The following PPIAL4H variants were observed in gnomAD, a reference collection of about 807,000 sequenced individuals.
PPIAL4H encodes the protein peptidylprolyl isomerase A like 4H, also known as peptidyl-prolyl cis-trans isomerase A-like 4H.
Under a neutral mutation model 7.5 loss-of-function variants are expected in PPIAL4H, and 6 were observed. The ratio of observed to expected loss-of-function variants is 0.80; its 90% CI spans 0.44 to 1.58. The LOEUF is 1.58. Among genes scored for constraint, PPIAL4H ranks in the 40% most tolerant of loss-of-function variants. The pLI is 0.01. For synonymous variants in PPIAL4H, 43 were observed against 76.6 expected (o/e 0.56, Z 2.29); for missense variants, 115 against 211.6 (o/e 0.54, Z 2.83).
In PPIAL4H at chr1:146,344,561, C is replaced by T; in HGVS notation, c.155G>A (p.Cys52Tyr). The T allele has an allele frequency of 6.3e-7, 1 of 1,580,972 alleles. No homozygotes were observed. The highest frequency in any genetic ancestry group is 1.1e-5 in the South Asian group (1 of 89,578). The stretch of plus-strand genomic sequence containing the variant: ...AAACCCTGGAATAATTCTGTGAAAG[C>T]AGGAACCCTTATAACGAAATCCTTT... ...GEKGFRYKGS[C>Y]FHRIIPGFMC... The change falls in exon 1 of 1, where the codon TGC (cysteine) becomes TAC (tyrosine). Residue 52 changes from cysteine (C) to tyrosine (Y), a missense_variant. Physicochemically the swap from Cys to Tyr is radical, Grantham distance 194. Transcript: ENST00000584068.
In PPIAL4H at chr1:146,344,396, G is replaced by C; in HGVS notation, c.320C>G (p.Thr107Arg). 6.3e-7 allele frequency: 1 copy of C among 1,588,658 alleles called. No individual in the cohort carries two copies. Among genetic ancestry groups the C allele is most frequent in the Non-Finnish European group, 8.6e-7 (1 of 1,162,984 alleles). ...GCAGATGAATAACTGGGAGCCATTTGTGTTGGGTCCAGCATTTACCATGGA... is the reference window on the plus strand; with the variant it reads ...GCAGATGAATAACTGGGAGCCATTTCTGTTGGGTCCAGCATTTACCATGGA... Reference protein sequence around the residue: ...ILSMVNAGPNTNGSQLFICTA... With the variant: ...ILSMVNAGPNRNGSQLFICTA... The change falls in exon 1 of 1, where the codon ACA becomes AGA. Residue 107 changes from threonine to arginine, a missense_variant. Coordinates refer to ENST00000584068, the MANE Select transcript of PPIAL4H (RefSeq NM_001368128.3).
In PPIAL4H at chr1:146,344,435, C is replaced by A; in HGVS notation, c.281G>T (p.Gly94Val). 1.3e-6 allele frequency: 2 copies of A among 1,588,822 alleles called. No individual in the cohort carries two copies. The highest frequency in any genetic ancestry group is 1.7e-5 in the Admixed American group (1 of 58,706). Residue 94 changes from glycine to valine, a missense_variant, in exon 1 of 1, where the codon GGT becomes GTT. Gly to Val is a moderately radical substitution (Grantham distance 109, BLOSUM62 -3). This residue lies in a region of PPIAL4H where 68 missense variants were observed against 75.8 expected (regional missense o/e 0.90). Transcript: ENST00000584068. ...ATTTACCATGGACAAGATGCCAGAA[C>A]CTGTATGCTTTCGGATGAGGTTCTC... ...DDENLIRKHT[G>V]SGILSMVNAG...
rs1312449758 is a variant in PPIAL4H at position 146,344,436 on chromosome 1, C to T, written c.280G>A (p.Gly94Ser). The T allele has an allele frequency of 6.1e-5, 97 of 1,588,888 alleles. 13 individuals carry two copies. The East Asian group carries it at 7.0e-4, about 12-fold the overall frequency. The change falls in exon 1 of 1, where the codon GGT becomes AGT. Residue 94 changes from glycine to serine, a missense_variant. Physicochemically the swap from Gly to Ser is moderately conservative, Grantham distance 56 (BLOSUM62 0). Transcript: ENST00000584068. Reference sequence around the variant, plus strand: ...TTTACCATGGACAAGATGCCAGAACCTGTATGCTTTCGGATGAGGTTCTCA... The same window carrying T: ...TTTACCATGGACAAGATGCCAGAACTTGTATGCTTTCGGATGAGGTTCTCA... Reference protein sequence around the residue: ...DDENLIRKHTGSGILSMVNAG... With the variant: ...DDENLIRKHTSSGILSMVNAG...
In PPIAL4H at chr1:146,344,695, A is replaced by G; in HGVS notation, c.21T>C (p.Phe7=). Residue 7 remains phenylalanine, a synonymous_variant, in exon 1 of 1, where the codon TTT becomes TTC. Coordinates refer to ENST00000584068, the MANE Select transcript of PPIAL4H (RefSeq NM_001368128.3). The part of the protein sequence containing the change: MVNSVV[F]FDITVDGKPL... ...GCTTGCCGTCGACGGTGATGTCAAA[A>G]AAGACGACGGAGTTGACCATGGCTG... 7.1e-7 allele frequency: 1 copy of G among 1,407,948 alleles called. No homozygotes were observed. Among genetic ancestry groups the G allele is most frequent in the Non-Finnish European group, 9.8e-7 (1 of 1,025,142 alleles). The allele number at this position is 1,407,948 out of a possible 1,614,324, so 87.2% of individuals were successfully genotyped here.
At position 146,344,338 on chromosome 1, in the gene PPIAL4H, A is replaced by G. The variant is rs1464876339; in HGVS notation, c.378T>C (p.His126=). ...TAKTEWLDGK[H]VAFGKVKERV... ...GTTCTTTCACCTTGCCAAAGGCCAC[A>G]TGCTTGCCATCCAACCACTCAGTCT... is the stretch of plus-strand genomic sequence containing the variant. Residue 126 remains histidine (H), a synonymous_variant, in exon 1 of 1, where the codon CAT becomes CAC. Transcript: ENST00000584068. 6.3e-7 allele frequency: 1 copy of G among 1,584,680 alleles called. No homozygotes were observed. The highest frequency in any genetic ancestry group is 8.6e-7 in the Non-Finnish European group (1 of 1,161,754).
Position 146,344,361 on chromosome 1 carries a change from T to C in PPIAL4H, c.355A>G (p.Thr119Ala). Reference sequence around the variant, plus strand: ...ACATGCTTGCCATCCAACCACTCAGTCTTGGCAGTGCAGATGAATAACTGG... The same window carrying C: ...ACATGCTTGCCATCCAACCACTCAGCCTTGGCAGTGCAGATGAATAACTGG... ...GSQLFICTAK[T>A]EWLDGKHVAF... The change falls in exon 1 of 1, where the codon ACT (threonine) becomes GCT (alanine). Residue 119 changes from threonine (T) to alanine (A), a missense_variant. Physicochemically the swap from Thr to Ala is moderately conservative, Grantham distance 58. This residue lies in a region of PPIAL4H where 68 missense variants were observed against 75.8 expected (regional missense o/e 0.90). Coordinates refer to ENST00000584068, the MANE Select transcript of PPIAL4H (RefSeq NM_001368128.3). 6.3e-7 allele frequency: 1 copy of C among 1,587,056 alleles called. No individual in the cohort carries two copies. The highest frequency in any genetic ancestry group is 8.6e-7 in the Non-Finnish European group (1 of 1,162,532).
rs1666620008 is a variant in PPIAL4H at position 146,344,433 on chromosome 1, A to G, written c.283T>C (p.Ser95Pro). The G allele has an allele frequency of 6.3e-7, 1 of 1,588,796 alleles. No homozygotes were observed. The highest frequency in any genetic ancestry group is 8.6e-7 in the Non-Finnish European group (1 of 1,163,150). ...GCATTTACCATGGACAAGATGCCAG[A>G]ACCTGTATGCTTTCGGATGAGGTTC... ...DENLIRKHTGSGILSMVNAGP... is the reference protein window; with the variant it reads ...DENLIRKHTGPGILSMVNAGP... Residue 95 changes from serine (S) to proline (P), a missense_variant, in exon 1 of 1, where the codon TCT becomes CCT. Physicochemically the swap from Ser to Pro is moderately conservative, Grantham distance 74. Transcript: ENST00000584068.
Position 146,344,220 on chromosome 1 carries a change from A to C in PPIAL4H, c.*1T>G. 1 of 1,560,710 alleles carries C rather than the reference A, an allele frequency of 6.4e-7. No homozygotes were observed. Among genetic ancestry groups the C allele is most frequent in the Non-Finnish European group, 8.7e-7 (1 of 1,156,000 alleles). ...TGAAAATAAAACACAAGTCAAACTC[A>C]TTAGAATTGTCCACAGTCAGCAATG... On this transcript the variant is annotated 3_prime_UTR_variant, in exon 1 of 1. Transcript: ENST00000584068.
At position 146,344,096 on chromosome 1, in the gene PPIAL4H, C is replaced by T. The variant is rs2101404605; in HGVS notation, c.*125G>A. The T allele has an allele frequency of 1.2e-6, 1 of 838,936 alleles. No homozygotes were observed. The highest frequency in any genetic ancestry group is 2.6e-5 in the East Asian group (1 of 38,442). The allele number at this position is 838,936 out of a possible 1,614,324, so 52.0% of individuals were successfully genotyped here. ...AAGGGAACAAGGAAAACATGGAACC[C>T]AAAGGGAACTGCAGCAAGAGCACAA... On this transcript the variant is annotated 3_prime_UTR_variant, in exon 1 of 1. Transcript: ENST00000584068.
In PPIAL4H at chr1:146,344,320, C is replaced by T. The variant is rs2101404862; in HGVS notation, c.396G>A (p.Val132=). ...LDGKHVAFGK[V]KERVNIVEAM... ...CTTCCACAATATTCACACGTTCTTTCACCTTGCCAAAGGCCACATGCTTGC... is the reference window on the plus strand; with the variant it reads ...CTTCCACAATATTCACACGTTCTTTTACCTTGCCAAAGGCCACATGCTTGC... Residue 132 remains valine (V), a synonymous_variant, in exon 1 of 1, where the codon GTG becomes GTA. Coordinates refer to ENST00000584068, the MANE Select transcript of PPIAL4H (RefSeq NM_001368128.3). 3 of 1,581,778 alleles carry T rather than the reference C, an allele frequency of 1.9e-6. 1 individual carries two copies. In the East Asian group the frequency reaches 6.8e-5, roughly 36 times the overall value.
rs1398937568 is a variant in PPIAL4H, at chr1:146,344,272, C to T, written c.444G>A (p.Arg148=). 5 of 1,568,334 alleles carry T rather than the reference C, an allele frequency of 3.2e-6. No individual in the cohort carries two copies. The Admixed American group carries it at 8.6e-5, about 27-fold the overall frequency. ...TGATCTTCTTGCTGGTCTTGCTATTCCTGTACCCAAAGTGCTCCATGGCTT... is the reference window on the plus strand; with the variant it reads ...TGATCTTCTTGCTGGTCTTGCTATTTCTGTACCCAAAGTGCTCCATGGCTT... ...IVEAMEHFGY[R]NSKTSKKITI... The change falls in exon 1 of 1, where the codon AGG becomes AGA. Residue 148 remains arginine, a synonymous_variant. Coordinates refer to ENST00000584068, the MANE Select transcript of PPIAL4H (RefSeq NM_001368128.3).
Position 146,344,386 on chromosome 1 carries a change from G to T in PPIAL4H, c.330C>A (p.Ser110=). 1 of 1,588,300 alleles carries T rather than the reference G, an allele frequency of 6.3e-7. No homozygotes were observed. Among genetic ancestry groups the T allele is most frequent in the Non-Finnish European group, 8.6e-7 (1 of 1,162,900 alleles). ...TCTTGGCAGTGCAGATGAATAACTGGGAGCCATTTGTGTTGGGTCCAGCAT... is the reference window on the plus strand; with the variant it reads ...TCTTGGCAGTGCAGATGAATAACTGTGAGCCATTTGTGTTGGGTCCAGCAT... ...MVNAGPNTNG[S]QLFICTAKTE... is the part of the protein sequence containing the mutation. Residue 110 remains serine (S), a synonymous_variant, in exon 1 of 1, where the codon TCC becomes TCA. Transcript: ENST00000584068.
rs1367848572 is a variant in PPIAL4H at position 146,344,375 on chromosome 1, A to T, written c.341T>A (p.Ile114Asn). The T allele has an allele frequency of 1.2e-5, 19 of 1,587,682 alleles. 3 individuals carry two copies. The highest frequency in any genetic ancestry group is 1.6e-5 in the Non-Finnish European group (19 of 1,162,726). The change falls in exon 1 of 1, where the codon ATC (isoleucine) becomes AAC (asparagine). Residue 114 changes from isoleucine (I) to asparagine (N), a missense_variant. This residue lies in a region of PPIAL4H where 68 missense variants were observed against 75.8 expected (regional missense o/e 0.90). Coordinates refer to ENST00000584068, the MANE Select transcript of PPIAL4H (RefSeq NM_001368128.3). ...CAACCACTCAGTCTTGGCAGTGCAGATGAATAACTGGGAGCCATTTGTGTT... is the reference window on the plus strand; with the variant it reads ...CAACCACTCAGTCTTGGCAGTGCAGTTGAATAACTGGGAGCCATTTGTGTT... Reference protein sequence around the residue: ...GPNTNGSQLFICTAKTEWLDG... With the variant: ...GPNTNGSQLFNCTAKTEWLDG...
chr1:146,344,278 C>T lies in PPIAL4H; in HGVS notation c.438G>A (p.Gly146=), dbSNP rs1666618146. The T allele has an allele frequency of 6.4e-7, 1 of 1,569,532 alleles. No homozygotes were observed. The highest frequency in any genetic ancestry group is 1.1e-5 in the South Asian group (1 of 89,476). ...VNIVEAMEHF[G]YRNSKTSKKI... ...TCTTGCTGGTCTTGCTATTCCTGTA[C>T]CCAAAGTGCTCCATGGCTTCCACAA... Residue 146 remains glycine (G), a synonymous_variant, in exon 1 of 1, where the codon GGG becomes GGA. Coordinates refer to ENST00000584068, the MANE Select transcript of PPIAL4H (RefSeq NM_001368128.3).
In PPIAL4H at chr1:146,344,429, C is replaced by A. The variant is rs1253795228; in HGVS notation, c.287G>T (p.Gly96Val). 3.1e-6 allele frequency: 5 copies of A among 1,588,658 alleles called. No homozygotes were observed. The African/African-American group carries it at 6.8e-5, about 22-fold the overall frequency. The change falls in exon 1 of 1, where the codon GGC becomes GTC. Residue 96 changes from glycine (G) to valine (V), a missense_variant. Physicochemically the swap from Gly to Val is moderately radical, Grantham distance 109. Transcript: ENST00000584068. ...TCCAGCATTTACCATGGACAAGATG[C>A]CAGAACCTGTATGCTTTCGGATGAG... ...ENLIRKHTGSGILSMVNAGPN... is the reference protein window; with the variant it reads ...ENLIRKHTGSVILSMVNAGPN...
Position 146,344,414 on chromosome 1 carries a change from A to G in PPIAL4H, c.302T>C (p.Val101Ala), listed in dbSNP as rs1449270438. ...GCCATTTGTGTTGGGTCCAGCATTT[A>G]CCATGGACAAGATGCCAGAACCTGT... ...KHTGSGILSM[V>A]NAGPNTNGSQ... Residue 101 changes from valine to alanine, a missense_variant, in exon 1 of 1, where the codon GTA (valine) becomes GCA (alanine). Transcript: ENST00000584068. The G allele has an allele frequency of 1.4e-4, 228 of 1,588,654 alleles. 14 individuals carry two copies. Among genetic ancestry groups the G allele is most frequent in the Admixed American group, 2.6e-4 (15 of 58,668 alleles).
Position 146,344,362 on chromosome 1 carries a change from C to A in PPIAL4H, c.354G>T (p.Lys118Asn). 1 of 1,587,224 alleles carries A rather than the reference C, an allele frequency of 6.3e-7. No homozygotes were observed. The highest frequency in any genetic ancestry group is 8.6e-7 in the Non-Finnish European group (1 of 1,162,562). Residue 118 changes from lysine (K) to asparagine (N), a missense_variant, in exon 1 of 1, where the codon AAG becomes AAT. Transcript: ENST00000584068. Reference sequence around the variant, plus strand: ...CATGCTTGCCATCCAACCACTCAGTCTTGGCAGTGCAGATGAATAACTGGG... The same window carrying A: ...CATGCTTGCCATCCAACCACTCAGTATTGGCAGTGCAGATGAATAACTGGG... The part of the protein sequence containing the change: ...NGSQLFICTA[K>N]TEWLDGKHVA...
chr1:146,344,497 G>A lies in PPIAL4H; in HGVS notation c.219C>T (p.Thr73=), dbSNP rs1238662121. ...QGGDFTRPNG[T]DDKSIYGEKF... ...TCTCCCCATAGATGGACTTGTCATC[G>A]GTGCCATTAGGGCGTGTGAAGTCAC... The change falls in exon 1 of 1, where the codon ACC becomes ACT. Residue 73 remains threonine (T), a synonymous_variant. Coordinates refer to ENST00000584068, the MANE Select transcript of PPIAL4H (RefSeq NM_001368128.3). The A allele has an allele frequency of 5.0e-5, 79 of 1,587,848 alleles. 8 individuals carry two copies. Among genetic ancestry groups the A allele is most frequent in the Non-Finnish European group, 5.8e-5 (67 of 1,162,990 alleles).
rs1666620817 is a variant in PPIAL4H at position 146,344,484 on chromosome 1, T to C, written c.232A>G (p.Ile78Val). 6 of 1,588,442 alleles carry C rather than the reference T, an allele frequency of 3.8e-6. 1 individual carries two copies. Among genetic ancestry groups the C allele is most frequent in the Non-Finnish European group, 3.4e-6 (4 of 1,163,170 alleles). Residue 78 changes from isoleucine to valine, a missense_variant, in exon 1 of 1, where the codon ATC (isoleucine) becomes GTC (valine). Physicochemically the swap from Ile to Val is conservative, Grantham distance 29. This residue lies in a region of PPIAL4H where 68 missense variants were observed against 75.8 expected (regional missense o/e 0.90). Transcript: ENST00000584068. ...TCATCATCAAATTTCTCCCCATAGA[T>C]GGACTTGTCATCGGTGCCATTAGGG... ...TRPNGTDDKSIYGEKFDDENL... is the reference protein window; with the variant it reads ...TRPNGTDDKSVYGEKFDDENL...
Sources: gnomAD v4.1 joint callset for allele counts on GRCh38, gnomAD v4.1.1 for gene constraint, gnomAD v4.1.1 regional missense constraint, MANE v1.5 for transcripts, NCBI Gene and HGNC (gene_info 2026-07-23, HGNC 2026-07-21) for gene names.